INPP4B: variants seen among roughly 807,000 people sequenced by gnomAD.
INPP4B encodes the protein inositol polyphosphate-4-phosphatase type II B.
In INPP4B, 55 loss-of-function variants were observed where a neutral mutation model predicts 122.5. The ratio of observed to expected loss-of-function variants is 0.45; its 90% CI spans 0.36 to 0.56. The LOEUF is 0.56. Ranked by LOEUF, INPP4B falls within the 20% of genes least tolerant of loss-of-function variation. INPP4B has a pLI of 0.00. For missense variants in INPP4B, 1,000 were observed against 1,097.7 expected (o/e 0.91, Z 1.26); for synonymous variants, 403 against 388.7 (o/e 1.04, Z -0.43).
intron 12 of INPP4B, among the ~76,000 whole-genome samples, chr4:142,220,208 G>T (rs1848818274): frequency 1.3e-5 from 2 of 152,064 alleles, no homozygotes; most frequent in South Asian, 2.1e-4. Flanking sequence ...ATTCTTGGGG[G>T]AGTACAGTTT....
At chr4:142,661,170 A>T (rs966132011) in intron 2 of INPP4B, among the ~76,000 whole-genome samples, 2 of 151,978 alleles carry the variant, frequency 1.3e-5, no homozygotes, top group Non-Finnish European at 2.9e-5. Context: ...ACCCAATAAA[A>T]CCCTATTTTG....
At chr4:142,136,643 T>C (rs1804445437) in intron 18 of INPP4B, among the ~76,000 whole-genome samples, 1 of 152,072 alleles carries the variant, frequency 6.6e-6, no homozygotes, top group Non-Finnish European at 1.5e-5. Flanking sequence ...GAAGGAGATG[T>C]CAAAGTGCCT....
intron 25 of INPP4B, among the ~76,000 whole-genome samples, chr4:142,057,365 T>G (rs1197083853): frequency 6.6e-6 from 1 of 152,116 alleles, no homozygotes; most frequent in Non-Finnish European, 1.5e-5. Flanking sequence ...CTTAACATAA[T>G]TTTTGTTATT....
chr4:142,346,459 A>G (rs1044599266), intron 7 of INPP4B, among the ~76,000 whole-genome samples: 1 of 152,074 alleles, frequency 6.6e-6, no homozygotes, highest in African/African-American at 2.4e-5. Flanking sequence ...TAGACTAGAA[A>G]AAGTGACATA....
At chr4:142,421,156 C>G (rs961538004) in intron 5 of INPP4B, among the ~76,000 whole-genome samples, 1 of 152,100 alleles carries the variant, frequency 6.6e-6, no homozygotes, top group African/African-American at 2.4e-5. Context: ...TGCCTCCCTA[C>G]TTAGGCTCAG....
intron 16 of INPP4B, among the ~76,000 whole-genome samples, chr4:142,169,454 A>G (rs1223019059): frequency 1.3e-5 from 2 of 151,740 alleles, no homozygotes; most frequent in African/African-American, 4.8e-5. Flanking sequence ...TAAGTAATCA[A>G]CATAACATTC....
chr4:142,670,049 A>T (rs2150626413), intron 2 of INPP4B, among the ~76,000 whole-genome samples: 1 of 152,326 alleles, frequency 6.6e-6, no homozygotes, highest in Admixed American at 6.5e-5. Flanking sequence ...ATAAATAAAC[A>T]ATTCATAAGT....
At chr4:142,624,692 A>C (rs975928825) in intron 2 of INPP4B, among the ~76,000 whole-genome samples, 1 of 152,198 alleles carries the variant, frequency 6.6e-6, no homozygotes, top group African/African-American at 2.4e-5. Context: ...AGAGAATTTT[A>C]GACCAATATC....
intron 1 of INPP4B, among the ~76,000 whole-genome samples, chr4:142,782,954 T>C (rs972144049): frequency 2.0e-5 from 3 of 152,124 alleles, no homozygotes; most frequent in Admixed American, 1.3e-4. Flanking sequence ...GAAAACTGGC[T>C]AGCCATATGT....
chr4:142,057,067 G>GT (rs1758083600), intron 25 of INPP4B, among the ~76,000 whole-genome samples: 1 of 152,034 alleles, frequency 6.6e-6, no homozygotes, highest in Admixed American at 6.6e-5. Flanking sequence ...AAATTTTAGA[G>GT]TATGGTACTG....
chr4:142,299,537 T>TC (rs1760454618), intron 9 of INPP4B, among the ~76,000 whole-genome samples: 1 of 151,192 alleles, frequency 6.6e-6, no homozygotes, highest in Admixed American at 6.6e-5. Context: ...TTTTTTTTTT[T>TC]CTACACAAAA....
At chr4:142,066,388 G>A (rs540699284) in intron 25 of INPP4B, among the ~76,000 whole-genome samples, 1 of 152,210 alleles carries the variant, frequency 6.6e-6, no homozygotes, top group Admixed American at 6.5e-5. Flanking sequence ...CTAGACAAGC[G>A]GTTATCAAAC....
intron 2 of INPP4B, among the ~76,000 whole-genome samples, chr4:142,672,534 C>T (rs1383430942): frequency 2.0e-5 from 3 of 152,062 alleles, no homozygotes; most frequent in African/African-American, 7.2e-5. Flanking sequence ...TTTTCATGTA[C>T]TTATTTTCCA....
chr4:142,733,946 T>C (rs1471066533), intron 1 of INPP4B, among the ~76,000 whole-genome samples: 1 of 152,264 alleles, frequency 6.6e-6, no homozygotes, highest in South Asian at 2.1e-4. Context: ...ATGAACAATA[T>C]GAATATCACA....
intron 11 of INPP4B, among the ~76,000 whole-genome samples, chr4:142,257,337 G>T (rs1736799103): frequency 6.6e-6 from 1 of 152,130 alleles, no homozygotes; most frequent in South Asian, 2.1e-4. Context: ...TCAACATAGT[G>T]TTGGAAGTTC....
chr4:142,349,925 A>G (rs957032631), intron 7 of INPP4B, among the ~76,000 whole-genome samples: 2 of 151,794 alleles, frequency 1.3e-5, no homozygotes, highest in Non-Finnish European at 2.9e-5. Flanking sequence ...TACTGCCACT[A>G]TCAAACCACT....
intron 2 of INPP4B, among the ~76,000 whole-genome samples, chr4:142,491,695 T>A (rs1444168033): frequency 5.3e-5 from 8 of 151,970 alleles, no homozygotes; most frequent in African/African-American, 1.9e-4. Flanking sequence ...GAATATATAT[T>A]TTTTAAAAGA....
chr4:142,587,306 T>G (rs1286480486), intron 2 of INPP4B, among the ~76,000 whole-genome samples: 1 of 152,068 alleles, frequency 6.6e-6, no homozygotes, highest in Non-Finnish European at 1.5e-5. Flanking sequence ...TTTTGGTGGT[T>G]GTGATTAGGT....
At chr4:142,117,202 A>G (rs780930591) in intron 21 of INPP4B, among the ~76,000 whole-genome samples, 16 of 151,948 alleles carry the variant, frequency 1.1e-4, no homozygotes, top group Non-Finnish European at 2.2e-4. Flanking sequence ...CCAGGACCAG[A>G]TGGATTCACA....
Sources: allele counts gnomAD v4.1 joint callset (sites outside exome capture counted in the v4.1 genomes callset), GRCh38; gene constraint gnomAD v4.1.1; transcripts MANE v1.5; gene names NCBI Gene and HGNC (gene_info 2026-07-23, HGNC 2026-07-21).